Variants in GPR89B observed in about 807,000 individuals in gnomAD.
The protein encoded by GPR89B is G protein-coupled receptor 89B.
Under a neutral mutation model 52.4 loss-of-function variants are expected in GPR89B, and 25 were observed. The ratio of observed to expected loss-of-function variants is 0.48; its 90% confidence interval spans 0.35 to 0.67. GPR89B has a LOEUF of 0.67. GPR89B is among the 30% of genes least tolerant of loss of function. The probability of loss-of-function intolerance (pLI) is 0.01; values close to 1 mark genes in which losing one functional copy is unlikely to be tolerated. For synonymous variants in GPR89B, 52 were observed against 151.2 expected, an observed-to-expected ratio of 0.34 and a Z score of 4.81; for missense variants, 146 against 450.2, an observed-to-expected ratio of 0.32 and a Z score of 6.11.
chr1:147,947,192 A>G (rs1655044933), intron 5 of GPR89B, among the ~76,000 whole-genome samples: 1 of 152,126 alleles, frequency 6.6e-6, no homozygotes, highest in African/African-American at 2.4e-5. Flanking sequence ...AAAATTAGCC[A>G]GGCATGGTGG....
rs1256428314 is a variant in GPR89B at position 147,949,555 on chromosome 1, C to T, written c.416-3790C>T. Among the ~76,000 whole-genome samples, 213 of 116,772 alleles carry T rather than the reference C, an allele frequency of 1.8e-3. 3 individuals are homozygous for T. The highest frequency in any genetic ancestry group is 0.012 in the East Asian group (42 of 3,422). The allele number at this position is 116,772 out of a possible 152,430, so 76.6% of individuals were successfully genotyped here. A position where few individuals can be genotyped will look rare whatever the true frequency, so the allele number is the denominator to read the frequency against. The stretch of plus-strand genomic sequence containing the variant: ...GGCGCCCCTCACCTCCCGGACGGGG[C>T]GGCTGGCCGGGCGGGGGGCTGACCC... On this transcript the variant is annotated intron_variant, in intron 5 of 13. Transcript: ENST00000314163.
At chr1:147,950,102 T>C (rs1377969014) in intron 5 of GPR89B, among the ~76,000 whole-genome samples, 2 of 138,628 alleles carry the variant, frequency 1.4e-5, no homozygotes, top group East Asian at 2.2e-4. Context: ...CCGGACGGGG[T>C]GGCTGCCGGG....
At chr1:147,994,499 G>A (rs1659266790), downstream of GPR89B, 1 of 559,012 alleles carries the variant, frequency 1.8e-6, no homozygotes, top group East Asian at 3.2e-5. Flanking sequence ...CAGCAATTGT[G>A]TAGAGCTGAT....
chr1:148,006,980 G>A, the GPR89B span, among the ~76,000 whole-genome samples: 1 of 151,424 alleles, frequency 6.6e-6, no homozygotes, highest in Non-Finnish European at 1.5e-5. Context: ...CACTCTCAAA[G>A]CGCTAGGATT....
chr1:148,012,557 G>T, the GPR89B span, among the ~76,000 whole-genome samples: 1 of 149,422 alleles, frequency 6.7e-6, no homozygotes, highest in Non-Finnish European at 1.5e-5. Context: ...AGGAAAGTCG[G>T]GTTTGGGAGA....
intron 5 of GPR89B, among the ~76,000 whole-genome samples, chr1:147,950,110 G>A (rs1404137392): frequency 1.3e-5 from 2 of 151,616 alleles, no homozygotes; most frequent in East Asian, 2.0e-4. Context: ...GGTGGCTGCC[G>A]GGCAGAGACG....
chr1:147,948,325 C>T (rs1418893771), intron 5 of GPR89B, among the ~76,000 whole-genome samples: 2 of 151,330 alleles, frequency 1.3e-5, no homozygotes, highest in South Asian at 2.1e-4. Context: ...GGAAAGTAAT[C>T]GTATAGTGTA....
chr1:148,000,725 G>A, the GPR89B span, among the ~76,000 whole-genome samples: 5 of 148,648 alleles, frequency 3.4e-5, no homozygotes, highest in Admixed American at 6.8e-5. Flanking sequence ...TACTTAGAAG[G>A]CCCCCCAGGT....
chr1:148,014,933 G>C, the GPR89B span: 1 of 151,486 alleles, frequency 6.6e-6, no homozygotes, highest in Admixed American at 6.6e-5. Context: ...AACCGTAGCC[G>C]GCAAGATGCG....
intron 10 of GPR89B, among the ~76,000 whole-genome samples, chr1:147,979,887 G>T (rs1444110264): frequency 6.6e-6 from 1 of 151,684 alleles, no homozygotes. Context: ...CCAGGAATTC[G>T]AGACCAGCCT....
the GPR89B span, among the ~76,000 whole-genome samples, chr1:148,002,838 C>T: frequency 6.6e-6 from 1 of 152,154 alleles, no homozygotes; most frequent in African/African-American, 2.4e-5. Flanking sequence ...TCCCACCTTC[C>T]TGGAATGATC....
At chr1:147,971,141 G>A (rs1178909590) in intron 10 of GPR89B, among the ~76,000 whole-genome samples, 18 of 145,738 alleles carry the variant, frequency 1.2e-4, no homozygotes, top group South Asian at 2.2e-4. Context: ...AAGATGCAGC[G>A]TTTAGGGAAG....
chr1:147,962,836 G>A (rs1234682497), intron 7 of GPR89B, among the ~76,000 whole-genome samples: 2 of 150,994 alleles, frequency 1.3e-5, no homozygotes, highest in African/African-American at 4.9e-5. Flanking sequence ...GGTGGAGGTT[G>A]CAGTGAGCCG....
At chr1:148,010,519 C>T in the GPR89B span, 1 of 152,236 alleles carries the variant, frequency 6.6e-6, no homozygotes, top group Non-Finnish European at 1.5e-5. Context: ...TTTCACATGA[C>T]TCAAAAGAGG....
Position 147,932,110 on chromosome 1 carries a change from C to T in GPR89B, c.42+3532C>T, listed in dbSNP as rs186514530. ...TTTTTAATCATCCATTTCCACTATACATACCACCATCAGTCCTAAACTGCC... is the reference window on the plus strand; with the variant it reads ...TTTTTAATCATCCATTTCCACTATATATACCACCATCAGTCCTAAACTGCC... On this transcript the variant is annotated intron_variant, in intron 1 of 13. Coordinates refer to ENST00000314163, the MANE Select transcript of GPR89B (RefSeq NM_016334.5). Among the ~76,000 whole-genome samples, 3 of 151,976 alleles carry T rather than the reference C, an allele frequency of 2.0e-5. No homozygotes were observed. The East Asian group carries it at 5.8e-4, about 29-fold the overall frequency.
chr1:147,994,208 A>G, downstream of GPR89B: 1 of 1,589,658 alleles, frequency 6.3e-7, no homozygotes, highest in Admixed American at 1.7e-5. Context: ...AAGAGACAGT[A>G]AACAGGTCGC....
Position 147,982,861 on chromosome 1 carries a change from C to T in GPR89B, c.910-3338C>T, listed in dbSNP as rs1304271849. ...TAGTTCTCCTTGAAGAGGTCCTTCGCGTCCCTTGTAAGTTGGATTCCTAGG... is the reference window on the plus strand; with the variant it reads ...TAGTTCTCCTTGAAGAGGTCCTTCGTGTCCCTTGTAAGTTGGATTCCTAGG... On this transcript the variant is annotated intron_variant, in intron 10 of 13. Coordinates refer to ENST00000314163, the MANE Select transcript of GPR89B (RefSeq NM_016334.5). Among the ~76,000 whole-genome samples, 255 of 152,258 alleles carry T rather than the reference C, an allele frequency of 1.7e-3. 8 individuals carry two copies. The South Asian group carries it at 0.046, about 28-fold the overall frequency.
intron 7 of GPR89B, among the ~76,000 whole-genome samples, chr1:147,957,004 G>A (rs2149063208): frequency 6.6e-6 from 1 of 152,044 alleles, no homozygotes; most frequent in East Asian, 1.9e-4. Context: ...CTCCCAAAGT[G>A]CTGGGATTAC....
At chr1:147,942,087 C>G (rs1398203603) in intron 3 of GPR89B, among the ~76,000 whole-genome samples, 1 of 151,680 alleles carries the variant, frequency 6.6e-6, no homozygotes, top group African/African-American at 2.4e-5. Context: ...GGACTCGTAT[C>G]TAGAATATAT....
Sources: allele counts gnomAD v4.1 joint callset (sites outside exome capture counted in the v4.1 genomes callset), GRCh38; gene constraint gnomAD v4.1.1; transcripts MANE v1.5; gene names NCBI Gene and HGNC (gene_info 2026-07-23, HGNC 2026-07-21).